Variants in CLVS1 observed in about 807,000 individuals in gnomAD.
CLVS1 encodes clavesin 1.
Under a neutral mutation model 33.1 loss-of-function variants are expected in CLVS1, and 10 were observed. That is an observed-to-expected ratio of 0.30 (90% CI 0.19 to 0.51). The LOEUF is 0.51. Among genes scored for constraint, CLVS1 ranks in the 20% least tolerant of loss-of-function variants. CLVS1 has a pLI of 0.97. For missense variants in CLVS1, 343 were observed against 433.4 expected, an observed-to-expected ratio of 0.79 and a Z score of 1.85; for synonymous variants, 163 against 166.1, an observed-to-expected ratio of 0.98 and a Z score of 0.14.
At chr8:61,408,848 C>T (rs920970895) in intron 3 of CLVS1, among the ~76,000 whole-genome samples, 1 of 152,102 alleles carries the variant, frequency 6.6e-6, no homozygotes, top group Non-Finnish European at 1.5e-5. Context: ...TAGAGTAAAA[C>T]ACTCAGTGCA....
intron 3 of CLVS1, among the ~76,000 whole-genome samples, chr8:61,445,492 C>A (rs1287543252): frequency 1.3e-5 from 2 of 152,176 alleles, no homozygotes; most frequent in South Asian, 4.1e-4. Context: ...TCTCTACATA[C>A]CTGCTCCCCT....
intron 1 of CLVS1, among the ~76,000 whole-genome samples, chr8:61,295,868 T>TA (rs1259160674): frequency 1.3e-5 from 2 of 152,088 alleles, no homozygotes; most frequent in Non-Finnish European, 2.9e-5. Flanking sequence ...CTGTAGTCTA[T>TA]AAAAAGAGAA....
chr8:61,478,152 T>A (rs569078328), intron 5 of CLVS1, among the ~76,000 whole-genome samples: 97 of 152,360 alleles, frequency 6.4e-4, no homozygotes, highest in African/African-American at 2.2e-3. Flanking sequence ...AATCCTGAGT[T>A]CTAGTTTGAT....
At chr8:61,287,427 C>CT (rs557835049), upstream of CLVS1, among the ~76,000 whole-genome samples, 1 of 152,042 alleles carries the variant, frequency 6.6e-6, no homozygotes, top group African/African-American at 2.4e-5. Context: ...TTTGTATTTA[C>CT]TTTTTTTATA....
intron 1 of CLVS1, among the ~76,000 whole-genome samples, chr8:61,072,054 C>T (rs1804806130): frequency 1.3e-5 from 2 of 152,166 alleles, no homozygotes; most frequent in Admixed American, 6.6e-5. Flanking sequence ...TGCTTAGATG[C>T]GGGTGAATGG....
the CLVS1 span, among the ~76,000 whole-genome samples, chr8:61,001,109 A>T: frequency 0.022 from 3,254 of 151,254 alleles, 134 homozygotes; most frequent in African/African-American, 0.074. Flanking sequence ...ACCTTCAATG[A>T]CTCCCCTGTG....
intron 2 of CLVS1, among the ~76,000 whole-genome samples, chr8:61,269,221 C>T (rs1413356743): frequency 6.6e-6 from 1 of 151,692 alleles, no homozygotes; most frequent in African/African-American, 2.4e-5. Flanking sequence ...GATCCAGTTT[C>T]AGCTTTCCAC....
intron 1 of CLVS1, among the ~76,000 whole-genome samples, chr8:61,299,233 C>G (rs770957875): frequency 6.6e-6 from 1 of 152,096 alleles, no homozygotes; most frequent in Non-Finnish European, 1.5e-5. Context: ...GTGAAAGATA[C>G]TTCTGTTTGA....
chr8:61,306,960 A>ATAGT (rs1428226195), intron 2 of CLVS1, among the ~76,000 whole-genome samples: 1 of 152,224 alleles, frequency 6.6e-6, no homozygotes, highest in African/African-American at 2.4e-5. Context: ...GACCTCTGAG[A>ATAGT]TAGTTCAGTT....
Position 61,216,614 on chromosome 8 carries a change from C to T in CLVS1, c.-151-83063C>T, listed in dbSNP as rs577383363. Among the ~76,000 whole-genome samples the T allele has an allele frequency of 4.6e-5, 7 of 152,278 alleles. No homozygotes were observed. The South Asian group carries it at 1.5e-3, about 32-fold the overall frequency. On this transcript the variant is annotated intron_variant, in intron 2 of 2. Transcript: ENST00000522621. ...CCTTGGAAGCAGGATTATAAGATGACAGTTTAGTAATAGTATTTTATCCAG... is the reference window on the plus strand; with the variant it reads ...CCTTGGAAGCAGGATTATAAGATGATAGTTTAGTAATAGTATTTTATCCAG...
At chr8:61,477,518 T>C (rs1051052665) in intron 5 of CLVS1, among the ~76,000 whole-genome samples, 1 of 152,228 alleles carries the variant, frequency 6.6e-6, no homozygotes, top group African/African-American at 2.4e-5. Flanking sequence ...CTTCCTGGTT[T>C]AGTCTTGGGA....
intron 5 of CLVS1, among the ~76,000 whole-genome samples, chr8:61,460,165 C>T (rs1045215152): frequency 5.9e-5 from 9 of 151,968 alleles, no homozygotes; most frequent in African/African-American, 1.2e-4. Context: ...CGTTTTTCCA[C>T]GTCAGTATAT....
intron 2 of CLVS1, among the ~76,000 whole-genome samples, chr8:61,184,127 A>G (rs577849604): frequency 6.6e-6 from 1 of 152,250 alleles, no homozygotes; most frequent in African/African-American, 2.4e-5. Flanking sequence ...AACCAAAGGA[A>G]AAATTTCATT....
intron 1 of CLVS1, among the ~76,000 whole-genome samples, chr8:61,084,450 A>C (rs1163129697): frequency 1.3e-5 from 2 of 152,166 alleles, no homozygotes; most frequent in Admixed American, 1.3e-4. Context: ...TGATTGTCAC[A>C]ATTGGAGCAA....
intron 1 of CLVS1, among the ~76,000 whole-genome samples, chr8:61,070,578 G>A (rs1285239848): frequency 6.6e-6 from 1 of 152,232 alleles, no homozygotes; most frequent in South Asian, 2.1e-4. Context: ...GGTGGCTCAT[G>A]CCTGTAATCC....
chr8:61,328,697 A>G (rs1217866004), intron 2 of CLVS1, among the ~76,000 whole-genome samples: 1 of 152,114 alleles, frequency 6.6e-6, no homozygotes, highest in Non-Finnish European at 1.5e-5. Flanking sequence ...TCTGCCTTAG[A>G]TAGATTTCTC....
intron 1 of CLVS1, among the ~76,000 whole-genome samples, chr8:61,297,296 G>T (rs1461933028): frequency 6.6e-6 from 1 of 152,116 alleles, no homozygotes; most frequent in Non-Finnish European, 1.5e-5. Flanking sequence ...TGCAGAGAAC[G>T]GACTGGCAGC....
chr8:61,254,428 C>A (rs1429329430), intron 2 of CLVS1, among the ~76,000 whole-genome samples: 1 of 152,108 alleles, frequency 6.6e-6, no homozygotes, highest in Non-Finnish European at 1.5e-5. Flanking sequence ...GCTGGGAGAT[C>A]CACTACTCTC....
chr8:61,469,518 C>T (rs1817665396), intron 5 of CLVS1, among the ~76,000 whole-genome samples: 1 of 152,168 alleles, frequency 6.6e-6, no homozygotes, highest in Non-Finnish European at 1.5e-5. Flanking sequence ...TTGGCCCCTG[C>T]CTGGGTAGTA....
Sources: allele counts gnomAD v4.1 joint callset (sites outside exome capture counted in the v4.1 genomes callset), GRCh38; gene constraint gnomAD v4.1.1; transcripts MANE v1.5; gene names NCBI Gene and HGNC (gene_info 2026-07-23, HGNC 2026-07-21).